The following ITGB3BP variants were observed in gnomAD, a reference collection of about 807,000 sequenced individuals.
ITGB3BP encodes the protein integrin subunit beta 3 binding protein, also known as centromere protein R.
Under a neutral mutation model 29.1 loss-of-function variants are expected in ITGB3BP, and 27 were observed. The ratio of observed to expected loss-of-function variants is 0.93; its 90% CI spans 0.68 to 1.28. The LOEUF (loss-of-function observed/expected upper bound fraction) is 1.28. ITGB3BP is among the 50% of genes most tolerant of loss of function. The pLI is 0.00. For synonymous variants in ITGB3BP, 61 were observed against 61.4 expected, an observed-to-expected ratio of 0.99 and a Z score of 0.03; for missense variants, 192 against 200.2, an observed-to-expected ratio of 0.96 and a Z score of 0.25.
intron 7 of ITGB3BP, among the ~76,000 whole-genome samples, chr1:63,450,424 T>C (rs1293675177): frequency 1.3e-5 from 2 of 151,968 alleles, no homozygotes; most frequent in East Asian, 3.8e-4. Flanking sequence ...AACGATGGTA[T>C]TTTTAATTAT....
intron 3 of ITGB3BP, among the ~76,000 whole-genome samples, chr1:63,480,652 A>C (rs1192072431): frequency 6.6e-6 from 1 of 152,104 alleles, no homozygotes; most frequent in Non-Finnish European, 1.5e-5. Flanking sequence ...AAAACAAAAA[A>C]AACCCTATCA....
chr1:63,490,101 T>C lies in ITGB3BP; in HGVS notation c.166A>G (p.Arg56Gly), dbSNP rs772689597. 1.2e-6 allele frequency: 2 copies of C among 1,611,250 alleles called. No homozygotes were observed. Among genetic ancestry groups the C allele is most frequent in the Non-Finnish European group, 1.7e-6 (2 of 1,178,686 alleles). The part of the protein sequence containing the change: ...SPTSSEEQKH[R>G]NGLSNEKRKK... ...AACTAACCATTTGATAGTCCATTTCTGTGCTTTTGCTCTTCAGAACTTGTG... is the reference window on the plus strand; with the variant it reads ...AACTAACCATTTGATAGTCCATTTCCGTGCTTTTGCTCTTCAGAACTTGTG... Residue 56 changes from arginine (R) to glycine (G), a missense_variant, in exon 3 of 9, where the codon AGA (arginine) becomes GGA (glycine). Transcript: ENST00000271002.
At chr1:63,517,012 T>C (rs979828592) in intron 1 of ITGB3BP, among the ~76,000 whole-genome samples, 1 of 151,880 alleles carries the variant, frequency 6.6e-6, no homozygotes, top group Non-Finnish European at 1.5e-5. Flanking sequence ...AACAAATAAG[T>C]TAGGTATAAA....
intron 3 of ITGB3BP, among the ~76,000 whole-genome samples, chr1:63,484,693 TTATTATATGGG>T (rs1408938275): frequency 2.6e-5 from 4 of 152,110 alleles, no homozygotes; most frequent in South Asian, 4.1e-4. Flanking sequence ...TACATGTGCT[TTATTATATGGG>T]TATTATATCT....
At chr1:63,464,043 C>A (rs945157457) in intron 4 of ITGB3BP, among the ~76,000 whole-genome samples, 2 of 151,856 alleles carry the variant, frequency 1.3e-5, no homozygotes, top group African/African-American at 4.8e-5. Flanking sequence ...ATTTGGTTAC[C>A]CACAAGAAAT....
chr1:63,464,272 A>G (rs1421317931), intron 4 of ITGB3BP, among the ~76,000 whole-genome samples: 4 of 152,224 alleles, frequency 2.6e-5, no homozygotes, highest in Non-Finnish European at 5.9e-5. Context: ...ATTTGACTAT[A>G]TATCTTTAGA....
chr1:63,478,091 A>T (rs923768714), intron 4 of ITGB3BP, among the ~76,000 whole-genome samples: 3 of 152,210 alleles, frequency 2.0e-5, no homozygotes, highest in Admixed American at 6.5e-5. Flanking sequence ...ATGCTATATA[A>T]ATAGTTGTTA....
At chr1:63,463,477 T>G (rs1343372317) in intron 4 of ITGB3BP, among the ~76,000 whole-genome samples, 1 of 152,172 alleles carries the variant, frequency 6.6e-6, no homozygotes, top group Admixed American at 6.5e-5. Flanking sequence ...TACTACAGTT[T>G]TGTAAGATGT....
At chr1:63,472,648 T>C (rs1022006980) in intron 4 of ITGB3BP, among the ~76,000 whole-genome samples, 6 of 151,456 alleles carry the variant, frequency 4.0e-5, no homozygotes, top group South Asian at 2.1e-4. Flanking sequence ...TTTTCGTTTT[T>C]TTTTTTTTGG....
chr1:63,526,098 A>G (rs1441076469), upstream of ITGB3BP, among the ~76,000 whole-genome samples: 1 of 152,220 alleles, frequency 6.6e-6, no homozygotes, highest in African/African-American at 2.4e-5. Flanking sequence ...CCTGAATTTG[A>G]CCCATACTGA....
At chr1:63,487,787 T>C (rs1186293782) in intron 3 of ITGB3BP, among the ~76,000 whole-genome samples, 2 of 152,156 alleles carry the variant, frequency 1.3e-5, no homozygotes. Flanking sequence ...CTACATATAA[T>C]TGTACATGCT....
At chr1:63,504,202 G>A (rs1379052806) in intron 2 of ITGB3BP, among the ~76,000 whole-genome samples, 2 of 151,884 alleles carry the variant, frequency 1.3e-5, no homozygotes, top group African/African-American at 2.4e-5. Flanking sequence ...GCAGTGGTTT[G>A]TAGTTCTCCT....
chr1:63,525,814 G>T (rs1646579475), upstream of ITGB3BP: 2 of 1,228,994 alleles, frequency 1.6e-6, no homozygotes, highest in East Asian at 5.4e-5. Context: ...TTAATAAATA[G>T]GTCCGAAAGA....
intron 4 of ITGB3BP, among the ~76,000 whole-genome samples, chr1:63,459,002 T>A (rs1310075230): frequency 6.6e-6 from 1 of 152,108 alleles, no homozygotes; most frequent in African/African-American, 2.4e-5. Context: ...TTCCACCACA[T>A]ATGTCTTTCT....
intron 1 of ITGB3BP, among the ~76,000 whole-genome samples, chr1:63,516,569 G>C (rs1284866663): frequency 2.6e-5 from 4 of 151,706 alleles, no homozygotes; most frequent in Non-Finnish European, 5.9e-5. Flanking sequence ...AATTAGGCCA[G>C]TGTGGTGGTG....
intron 2 of ITGB3BP, among the ~76,000 whole-genome samples, chr1:63,492,189 CTGTGTGTGTGTG>C (rs10610086): frequency 3.4e-5 from 5 of 149,070 alleles, no homozygotes; most frequent in African/African-American, 9.9e-5. Context: ...TGCATGTGCT[CTGTGTGTGTGTG>C]TGTGTGTGTG....
chr1:63,456,611 T>C (rs1482914314), intron 4 of ITGB3BP, among the ~76,000 whole-genome samples: 1 of 152,132 alleles, frequency 6.6e-6, no homozygotes, highest in Non-Finnish European at 1.5e-5. Context: ...CGAGAAATAA[T>C]CTGAGGGGCT....
chr1:63,501,308 C>G (rs945040172), intron 2 of ITGB3BP, among the ~76,000 whole-genome samples: 1 of 151,888 alleles, frequency 6.6e-6, no homozygotes, highest in Non-Finnish European at 1.5e-5. Flanking sequence ...AAAGGACAAT[C>G]AAAGAAAGAA....
chr1:63,479,092 G>A (rs1546507), intron 3 of ITGB3BP, among the ~76,000 whole-genome samples: 51,433 of 151,836 alleles, frequency 0.34, 8,931 homozygotes, highest in East Asian at 0.48. Context: ...AATCAAATAT[G>A]ATTCTATAAT....
Sources: gnomAD v4.1 joint callset for allele counts (sites outside exome capture counted in the v4.1 genomes callset) on GRCh38, gnomAD v4.1.1 for gene constraint, MANE v1.5 for transcripts, NCBI Gene and HGNC (gene_info 2026-07-23, HGNC 2026-07-21) for gene names.